The following LRP1B variants were observed in gnomAD, a reference collection of about 807,000 sequenced individuals.
LRP1B encodes LDL receptor related protein 1B.
A neutral mutation model predicts 556.6 loss-of-function variants in LRP1B; 217 were observed. The observed-to-expected ratio is 0.39, with a 90% CI of 0.35 to 0.44. The LOEUF (loss-of-function observed/expected upper bound fraction) is 0.44. Ranked by LOEUF, LRP1B falls within the 20% of genes least tolerant of loss-of-function variation. The probability of loss-of-function intolerance (pLI) is 1.00; values close to 1 mark genes in which losing one functional copy is unlikely to be tolerated. For synonymous variants in LRP1B, 2,047 were observed against 1,865.8 expected (o/e 1.10, Z -2.50); for missense variants, 5,053 against 5,620.8 (o/e 0.90, Z 3.23).
intron 73 of LRP1B, among the ~76,000 whole-genome samples, chr2:140,358,574 A>G (rs1283725894): frequency 6.6e-6 from 1 of 151,716 alleles, no homozygotes; most frequent in Non-Finnish European, 1.5e-5. Flanking sequence ...AAAAATCTCT[A>G]TATTGTTTCT....
chr2:142,127,498 T>A (rs1375351443), intron 1 of LRP1B, among the ~76,000 whole-genome samples: 2 of 151,938 alleles, frequency 1.3e-5, no homozygotes, highest in African/African-American at 4.8e-5. Context: ...TTCTTATTGT[T>A]TTAGCACATT....
At chr2:140,869,358 C>G (rs1242077439) in intron 25 of LRP1B, among the ~76,000 whole-genome samples, 1 of 152,044 alleles carries the variant, frequency 6.6e-6, no homozygotes, top group Admixed American at 6.6e-5. Flanking sequence ...TGCCAAGCTA[C>G]ATGCGGCAGG....
intron 7 of LRP1B, among the ~76,000 whole-genome samples, chr2:141,116,668 G>T (rs1417846128): frequency 6.6e-6 from 1 of 151,964 alleles, no homozygotes; most frequent in Non-Finnish European, 1.5e-5. Context: ...AGAAAAAATT[G>T]ACGTCTGAAG....
chr2:141,722,445 T>C (rs977240072), intron 2 of LRP1B, among the ~76,000 whole-genome samples: 8 of 152,146 alleles, frequency 5.3e-5, no homozygotes, highest in African/African-American at 1.9e-4. Flanking sequence ...TAGATATCTT[T>C]GGTGCATAAT....
At chr2:140,480,034 A>C (rs1179636475) in intron 59 of LRP1B, among the ~76,000 whole-genome samples, 2 of 152,196 alleles carry the variant, frequency 1.3e-5, no homozygotes, top group Non-Finnish European at 2.9e-5. Flanking sequence ...AGTCTTCTTC[A>C]ACAGTGAATT....
At chr2:140,488,819 T>C (rs1288028511) in intron 57 of LRP1B, among the ~76,000 whole-genome samples, 4 of 151,912 alleles carry the variant, frequency 2.6e-5, no homozygotes, top group Admixed American at 6.6e-5. Context: ...TAGAGGGAAA[T>C]GTATGAGTAG....
chr2:140,716,770 G>A lies in LRP1B; in HGVS notation c.5805C>T (p.Ser1935=), dbSNP rs1360913605. ...TCCAAGTCTGATCTCTTTTAGCTCT[G>A]CTAATTTTATTGAAGCCCATGTCTG... ...YWTDMGFNKI[S]RAKRDQTWKE... The change falls in exon 36 of 91, where the codon AGC becomes AGT. Residue 1935 remains serine (S), a synonymous_variant. Transcript: ENST00000389484. 4 of 1,609,070 alleles carry A rather than the reference G, an allele frequency of 2.5e-6. No homozygotes were observed. The highest frequency in any genetic ancestry group is 3.4e-6 in the Non-Finnish European group (4 of 1,176,284).
chr2:140,393,998 A>G (rs1034118483), intron 66 of LRP1B, among the ~76,000 whole-genome samples: 1 of 152,182 alleles, frequency 6.6e-6, no homozygotes, highest in African/African-American at 2.4e-5. Flanking sequence ...AAATAACTAT[A>G]CATGCTGTTT....
At chr2:140,732,011 T>G (rs1434371918) in intron 35 of LRP1B, among the ~76,000 whole-genome samples, 1 of 152,142 alleles carries the variant, frequency 6.6e-6, no homozygotes, top group Non-Finnish European at 1.5e-5. Flanking sequence ...AAAAAATGTT[T>G]GGCAAGCCAT....
intron 2 of LRP1B, among the ~76,000 whole-genome samples, chr2:141,761,638 G>C (rs1281576215): frequency 6.6e-6 from 1 of 152,094 alleles, no homozygotes; most frequent in African/African-American, 2.4e-5. Context: ...TTGCATACCT[G>C]TTGGACACTG....
intron 35 of LRP1B, among the ~76,000 whole-genome samples, chr2:140,763,998 T>G (rs1040875480): frequency 1.3e-5 from 2 of 152,066 alleles, no homozygotes; most frequent in Non-Finnish European, 2.9e-5. Flanking sequence ...ATGGTTTTCA[T>G]AAAATCGAAA....
At chr2:141,518,781 A>G (rs1402855702) in intron 2 of LRP1B, among the ~76,000 whole-genome samples, 1 of 151,948 alleles carries the variant, frequency 6.6e-6, no homozygotes, top group East Asian at 1.9e-4. Flanking sequence ...AAACCCTGTC[A>G]CTACTAAAAA....
At chr2:140,979,499 C>G (rs575950177) in intron 18 of LRP1B, among the ~76,000 whole-genome samples, 7 of 152,174 alleles carry the variant, frequency 4.6e-5, no homozygotes, top group African/African-American at 1.4e-4. Flanking sequence ...ATAATACATA[C>G]TAGTGTGTTA....
chr2:140,542,480 C>T lies in LRP1B; in HGVS notation c.7195-509G>A, dbSNP rs566677272. Among the ~76,000 whole-genome samples the T allele has an allele frequency of 4.6e-5, 7 of 152,232 alleles. No homozygotes were observed. In the South Asian group the frequency reaches 1.2e-3, roughly 27 times the overall value. On this transcript the variant is annotated intron_variant, in intron 43 of 90. Transcript: ENST00000389484. The stretch of plus-strand genomic sequence containing the variant: ...TAAAAGTTTAGAAGTAAAGACCATA[C>T]TTTCACTCAGATCAAGATGGAGTAA...
At chr2:141,431,036 T>C (rs1418821914) in intron 3 of LRP1B, among the ~76,000 whole-genome samples, 3 of 151,870 alleles carry the variant, frequency 2.0e-5, no homozygotes, top group Admixed American at 2.0e-4. Context: ...TTTGGGAGGC[T>C]AAGGTAGGAG....
At chr2:141,958,512 A>C (rs932744683) in intron 1 of LRP1B, among the ~76,000 whole-genome samples, 3 of 152,018 alleles carry the variant, frequency 2.0e-5, no homozygotes, top group African/African-American at 7.2e-5. Flanking sequence ...GGACTTGACT[A>C]ATCAACTAAA....
chr2:141,799,463 G>A (rs1695931021), intron 2 of LRP1B, among the ~76,000 whole-genome samples: 1 of 152,114 alleles, frequency 6.6e-6, no homozygotes, highest in Admixed American at 6.6e-5. Context: ...GCTTTTAATT[G>A]TTGAGCGTGG....
chr2:141,349,077 C>G (rs1342325002), intron 3 of LRP1B, among the ~76,000 whole-genome samples: 2 of 151,982 alleles, frequency 1.3e-5, no homozygotes, highest in Admixed American at 1.3e-4. Context: ...ATGTCTTTAT[C>G]AACAGTGTGA....
At chr2:141,351,709 A>ATACTC (rs1369334899) in intron 3 of LRP1B, among the ~76,000 whole-genome samples, 1 of 152,024 alleles carries the variant, frequency 6.6e-6, no homozygotes, top group Non-Finnish European at 1.5e-5. Context: ...CACATAATCA[A>ATACTC]TACTCTAATA....
Sources: allele counts gnomAD v4.1 joint callset (sites outside exome capture counted in the v4.1 genomes callset), GRCh38; gene constraint gnomAD v4.1.1; transcripts MANE v1.5; gene names NCBI Gene and HGNC (gene_info 2026-07-23, HGNC 2026-07-21).